Variants in NTM observed in about 807,000 individuals in gnomAD.
NTM encodes the protein neurotrimin, also known as IgLON family member 2.
NTM carries 13 observed loss-of-function variants against 42.1 expected under a neutral mutation model. The observed-to-expected ratio is 0.31, with a 90% CI of 0.20 to 0.49. The LOEUF is 0.49. NTM is among the 20% of genes least tolerant of loss of function. NTM has a pLI of 0.99. For synonymous variants in NTM, 187 were observed against 179.2 expected (o/e 1.04, Z -0.35); for missense variants, 373 against 452.8 (o/e 0.82, Z 1.60).
chr11:131,740,545 A>T (rs1431364048), intron 1 of NTM, among the ~76,000 whole-genome samples: 1 of 152,164 alleles, frequency 6.6e-6, no homozygotes, highest in African/African-American at 2.4e-5. Context: ...AAATCCATAG[A>T]AAAGTGTTTA....
chr11:132,286,518 C>A (rs372362296), intron 4 of NTM, among the ~76,000 whole-genome samples: 1 of 151,960 alleles, frequency 6.6e-6, no homozygotes, highest in African/African-American at 2.4e-5. Context: ...GCCTGTCCGC[C>A]CCCCCCACCC....
intron 1 of NTM, among the ~76,000 whole-genome samples, chr11:131,425,798 T>A (rs1436894435): frequency 6.6e-6 from 1 of 152,116 alleles, no homozygotes; most frequent in Non-Finnish European, 1.5e-5. Flanking sequence ...GTAGAAACTG[T>A]CCTTTAATTT....
chr11:131,897,213 T>G (rs1250110732), intron 1 of NTM: 1 of 152,048 alleles, frequency 6.6e-6, no homozygotes, highest in Non-Finnish European at 1.5e-5. Context: ...AAGCACTGAC[T>G]AATGCAGAGG....
chr11:131,802,043 T>A (rs542418034), intron 1 of NTM, among the ~76,000 whole-genome samples: 14 of 152,042 alleles, frequency 9.2e-5, no homozygotes, highest in African/African-American at 3.4e-4. Flanking sequence ...ATAAAAAAAA[T>A]TAAAATCCTA....
At chr11:132,140,754 G>A (rs1407963573) in intron 2 of NTM, among the ~76,000 whole-genome samples, 2 of 152,110 alleles carry the variant, frequency 1.3e-5, no homozygotes, top group East Asian at 1.9e-4. Context: ...AGATGTACAC[G>A]CCAACCCCAT....
chr11:132,206,716 T>G (rs923241703), intron 3 of NTM, among the ~76,000 whole-genome samples: 1 of 152,316 alleles, frequency 6.6e-6, no homozygotes, highest in East Asian at 1.9e-4. Context: ...TCTGTGCCCA[T>G]GCAATTCTGT....
intron 4 of NTM, among the ~76,000 whole-genome samples, chr11:132,261,995 G>T (rs2092888104): frequency 6.6e-6 from 1 of 152,218 alleles, no homozygotes; most frequent in African/African-American, 2.4e-5. Context: ...CTCCAAGTCT[G>T]TGGTCTTTCC....
chr11:131,644,064 ATGGAGCTGGAACTC>A (rs2065466929), intron 1 of NTM, among the ~76,000 whole-genome samples: 1 of 152,198 alleles, frequency 6.6e-6, no homozygotes, highest in South Asian at 2.1e-4. Context: ...TTCAGAGGCC[ATGGAGCTGGAACTC>A]TGGTGGTATG....
chr11:131,443,810 G>A (rs1278923541), intron 1 of NTM, among the ~76,000 whole-genome samples: 1 of 152,166 alleles, frequency 6.6e-6, no homozygotes, highest in Non-Finnish European at 1.5e-5. Context: ...ATGGCATGAG[G>A]TGTCACTGTG....
chr11:131,546,422 G>T (rs1246601121), intron 1 of NTM, among the ~76,000 whole-genome samples: 1 of 152,134 alleles, frequency 6.6e-6, no homozygotes, highest in Non-Finnish European at 1.5e-5. Context: ...CCCATCGCAA[G>T]AGACCTGCTT....
intron 1 of NTM, among the ~76,000 whole-genome samples, chr11:131,674,425 T>C (rs1279494529): frequency 1.3e-5 from 2 of 152,250 alleles, no homozygotes; most frequent in African/African-American, 4.8e-5. Flanking sequence ...TAGTGTGTCT[T>C]GGCTTGTCGC....
chr11:131,984,564 G>A (rs922800887), intron 2 of NTM: 1 of 152,186 alleles, frequency 6.6e-6, no homozygotes, highest in Non-Finnish European at 1.5e-5. Flanking sequence ...CATCTGAAGT[G>A]GTCATTGTGG....
chr11:132,226,122 T>A (rs2086218487), intron 4 of NTM, among the ~76,000 whole-genome samples: 1 of 152,198 alleles, frequency 6.6e-6, no homozygotes, highest in African/African-American at 2.4e-5. Context: ...TGATGGACAT[T>A]TGGGTTGGTT....
intron 2 of NTM, among the ~76,000 whole-genome samples, chr11:132,004,490 C>A (rs142307690): frequency 6.6e-6 from 1 of 152,256 alleles, no homozygotes; most frequent in East Asian, 1.9e-4. Context: ...CCATTGATAT[C>A]TTTGTGCTAC....
At chr11:132,137,895 A>T (rs2068258304) in intron 2 of NTM, among the ~76,000 whole-genome samples, 1 of 152,182 alleles carries the variant, frequency 6.6e-6, no homozygotes, top group Admixed American at 6.5e-5. Context: ...ACTTGCGGAC[A>T]CACAGAGAGC....
chr11:132,132,098 G>C lies in NTM; in HGVS notation c.168-14184G>C, dbSNP rs915755405. On this transcript the variant is annotated intron_variant, in intron 2 of 8. Coordinates refer to ENST00000683400, the MANE Select transcript of NTM (RefSeq NM_001352005.2). ...ACTTTGGAATGAACCAGCTGATGCA[G>C]TTCAAGTGCCCGAGGATACATTCCT... 3.4e-5 allele frequency among the ~76,000 whole-genome samples: 5 copies of C among 147,944 alleles called. 1 individual carries two copies. Among genetic ancestry groups the C allele is most frequent in the Admixed American group, 2.0e-4 (3 of 15,018 alleles).
At chr11:131,614,115 C>T (rs1334326731) in intron 1 of NTM, among the ~76,000 whole-genome samples, 3 of 152,132 alleles carry the variant, frequency 2.0e-5, no homozygotes, top group Non-Finnish European at 4.4e-5. Flanking sequence ...AGATCTGGGG[C>T]GATGGGCTAC....
At chr11:131,462,962 AAAG>A (rs1242605370) in intron 1 of NTM, among the ~76,000 whole-genome samples, 3 of 131,856 alleles carry the variant, frequency 2.3e-5, no homozygotes, top group South Asian at 4.8e-4. Context: ...AAAAAAAAAA[AAAG>A]AAGATATAGG....
intron 1 of NTM, among the ~76,000 whole-genome samples, chr11:131,764,217 T>C (rs1479673884): frequency 6.6e-6 from 1 of 152,184 alleles, no homozygotes; most frequent in Non-Finnish European, 1.5e-5. Context: ...ATCTCTGTGG[T>C]TAATTAGCTA....
Sources: gnomAD v4.1 joint callset for allele counts (sites outside exome capture counted in the v4.1 genomes callset) on GRCh38, gnomAD v4.1.1 for gene constraint, MANE v1.5 for transcripts, NCBI Gene and HGNC (gene_info 2026-07-23, HGNC 2026-07-21) for gene names.